Variants in NAALADL2 observed in about 807,000 individuals in gnomAD.
NAALADL2 encodes inactive N-acetylated-alpha-linked acidic dipeptidase-like protein 2.
Under a neutral mutation model 87.2 loss-of-function variants are expected in NAALADL2, and 76 were observed. The ratio of observed to expected loss-of-function variants is 0.87; its 90% confidence interval spans 0.72 to 1.05. The LOEUF (loss-of-function observed/expected upper bound fraction) is 1.05, where lower values mean the gene tolerates loss of function less well. Ranked by LOEUF, NAALADL2 falls within the 50% of genes least tolerant of loss-of-function variation. The pLI is 0.00. For synonymous variants in NAALADL2, 354 were observed against 331.0 expected, an observed-to-expected ratio of 1.07 and a Z score of -0.75; for missense variants, 1,089 against 945.8, an observed-to-expected ratio of 1.15 and a Z score of -1.99.
intron 9 of NAALADL2, among the ~76,000 whole-genome samples, chr3:175,556,363 G>C (rs1471738626): frequency 6.6e-6 from 1 of 151,952 alleles, no homozygotes; most frequent in Non-Finnish European, 1.5e-5. Flanking sequence ...TTCCTCATCT[G>C]TCAGATGACT....
At chr3:174,531,895 C>A (rs1009050753) in intron 1 of NAALADL2, among the ~76,000 whole-genome samples, 2 of 151,990 alleles carry the variant, frequency 1.3e-5, no homozygotes, top group Non-Finnish European at 2.9e-5. Flanking sequence ...ATGAGATTTA[C>A]AAGAAATAAG....
intron 1 of NAALADL2, among the ~76,000 whole-genome samples, chr3:174,991,482 GAT>G (rs1310946308): frequency 6.6e-6 from 1 of 151,622 alleles, no homozygotes; most frequent in Non-Finnish European, 1.5e-5. Context: ...TTTTTTATTT[GAT>G]ATATGTTTTA....
intron 4 of NAALADL2, among the ~76,000 whole-genome samples, chr3:175,315,868 CT>C (rs1162065686): frequency 6.6e-6 from 1 of 151,952 alleles, no homozygotes; most frequent in Non-Finnish European, 1.5e-5. Flanking sequence ...TATTTTAAGG[CT>C]TTTTTAACAA....
intron 9 of NAALADL2, among the ~76,000 whole-genome samples, chr3:175,508,237 A>G (rs552829969): frequency 3.9e-5 from 6 of 152,254 alleles, no homozygotes; most frequent in African/African-American, 1.2e-4. Context: ...ATCAGGCCCA[A>G]CCTCCAACAG....
At chr3:174,743,327 A>G (rs1166119947) in intron 3 of NAALADL2, among the ~76,000 whole-genome samples, 1 of 151,834 alleles carries the variant, frequency 6.6e-6, no homozygotes, top group African/African-American at 2.4e-5. Context: ...TCTCCAGAGC[A>G]CGTTTTATAC....
At chr3:175,003,342 AC>A (rs1459357040) in intron 1 of NAALADL2, among the ~76,000 whole-genome samples, 2 of 151,810 alleles carry the variant, frequency 1.3e-5, no homozygotes, top group African/African-American at 2.4e-5. Flanking sequence ...GTGTGGTGAG[AC>A]CATGTCTCTA....
chr3:175,133,282 C>A (rs1485209486), intron 2 of NAALADL2, among the ~76,000 whole-genome samples: 1 of 152,106 alleles, frequency 6.6e-6, no homozygotes. Flanking sequence ...AGACGATGGG[C>A]GGCCAGGCAG....
chr3:175,111,567 T>G (rs768931945), intron 2 of NAALADL2, among the ~76,000 whole-genome samples: 31 of 151,704 alleles, frequency 2.0e-4, no homozygotes, highest in Non-Finnish European at 3.5e-4. Flanking sequence ...GACATAATTT[T>G]TAGGAAAATA....
chr3:175,554,093 T>C (rs1371345605), intron 9 of NAALADL2, among the ~76,000 whole-genome samples: 1 of 152,134 alleles, frequency 6.6e-6, no homozygotes, highest in African/African-American at 2.4e-5. Context: ...TTCAAATTAA[T>C]AGTGGAAGGA....
intron 3 of NAALADL2, among the ~76,000 whole-genome samples, chr3:174,841,620 G>C (rs1411236009): frequency 6.6e-6 from 1 of 152,204 alleles, no homozygotes; most frequent in Non-Finnish European, 1.5e-5. Context: ...GGCTGGAAAG[G>C]ACACTTCTCT....
At chr3:174,677,239 CAT>C (rs964287571) in intron 2 of NAALADL2, among the ~76,000 whole-genome samples, 180 of 151,872 alleles carry the variant, frequency 1.2e-3, no homozygotes, top group African/African-American at 4.2e-3. Context: ...TTAAACTAAA[CAT>C]ATTTTTTAGT....
intron 1 of NAALADL2, among the ~76,000 whole-genome samples, chr3:174,882,506 T>G (rs1045156110): frequency 6.7e-6 from 1 of 150,342 alleles, no homozygotes. Context: ...CATATATGTG[T>G]ATATACATAT....
intron 3 of NAALADL2, among the ~76,000 whole-genome samples, chr3:174,765,147 A>G (rs370816764): frequency 7.2e-6 from 1 of 139,296 alleles, no homozygotes; most frequent in Non-Finnish European, 1.6e-5. Context: ...CACACACGAG[A>G]GAGAGAGAGA....
intron 1 of NAALADL2, among the ~76,000 whole-genome samples, chr3:174,960,299 A>G (rs187879010): frequency 1.3e-5 from 2 of 152,228 alleles, no homozygotes; most frequent in Non-Finnish European, 2.9e-5. Context: ...CAGAATTAGT[A>G]TAGAAAATAT....
intron 2 of NAALADL2, among the ~76,000 whole-genome samples, chr3:174,646,410 G>A (rs614699): frequency 0.17 from 26,589 of 152,028 alleles, 2,675 homozygotes; most frequent in South Asian, 0.26. Context: ...CTGAAGGAAT[G>A]CATGAAAACA....
intron 2 of NAALADL2, among the ~76,000 whole-genome samples, chr3:174,704,221 T>C (rs654146): frequency 0.31 from 46,451 of 151,924 alleles, 7,628 homozygotes; most frequent in Non-Finnish European, 0.37. Context: ...CTCACTACAG[T>C]AGGACCTTGA....
intron 2 of NAALADL2, among the ~76,000 whole-genome samples, chr3:174,669,376 T>C (rs1726303187): frequency 6.6e-6 from 1 of 152,154 alleles, no homozygotes; most frequent in Non-Finnish European, 1.5e-5. Context: ...GCCTGTTCAC[T>C]CTTATATTTA....
intron 5 of NAALADL2, among the ~76,000 whole-genome samples, chr3:175,416,852 G>T (rs1226005754): frequency 1.3e-5 from 2 of 151,972 alleles, no homozygotes; most frequent in African/African-American, 4.8e-5. Context: ...ATACGTGAAT[G>T]TATGTGGATG....
chr3:175,484,493 C>G (rs1164248804), intron 9 of NAALADL2, among the ~76,000 whole-genome samples: 1 of 151,878 alleles, frequency 6.6e-6, no homozygotes, highest in Non-Finnish European at 1.5e-5. Flanking sequence ...GCCATTAATT[C>G]TAAGAAAATA....
Sources: allele counts gnomAD v4.1 joint callset (sites outside exome capture counted in the v4.1 genomes callset), GRCh38; gene constraint gnomAD v4.1.1; transcripts MANE v1.5; gene names NCBI Gene and HGNC (gene_info 2026-07-23, HGNC 2026-07-21).